Variants in RNF180 observed in about 807,000 individuals in gnomAD.
RNF180 encodes E3 ubiquitin-protein ligase RNF180.
In RNF180, 38 loss-of-function variants were observed where a neutral mutation model predicts 59.2. The ratio of observed to expected loss-of-function variants is 0.64; its 90% CI spans 0.50 to 0.84. The LOEUF is 0.84. Among genes scored for constraint, RNF180 ranks in the 40% least tolerant of loss-of-function variants. The pLI is 0.00. For synonymous variants in RNF180, 262 were observed against 240.3 expected (o/e 1.09, Z -0.84); for missense variants, 705 against 700.9 (o/e 1.01, Z -0.07).
chr5:64,290,160 C>T (rs1742497622), intron 5 of RNF180, among the ~76,000 whole-genome samples: 2 of 152,146 alleles, frequency 1.3e-5, no homozygotes, highest in African/African-American at 4.8e-5. Flanking sequence ...CATTCAGGAA[C>T]AGATAGTTCC....
intron 5 of RNF180, among the ~76,000 whole-genome samples, chr5:64,248,461 C>T (rs1743334787): frequency 1.3e-5 from 2 of 152,180 alleles, no homozygotes; most frequent in South Asian, 4.1e-4. Context: ...AAAGACACTT[C>T]TCAAAAGAAG....
chr5:64,319,176 A>T (rs1199600451), intron 5 of RNF180, among the ~76,000 whole-genome samples: 3 of 98,356 alleles, frequency 3.1e-5, no homozygotes, highest in Non-Finnish European at 7.6e-5. Flanking sequence ...CTGTTGTTTA[A>T]AAAAAAAAAA....
chr5:64,191,680 T>A (rs1463081998), intron 1 of RNF180, among the ~76,000 whole-genome samples: 5 of 152,216 alleles, frequency 3.3e-5, no homozygotes, highest in Non-Finnish European at 7.3e-5. Flanking sequence ...TAGAAGATTT[T>A]TATGTTTTTA....
At chr5:64,244,011 A>G (rs959820930) in intron 5 of RNF180, among the ~76,000 whole-genome samples, 1 of 152,208 alleles carries the variant, frequency 6.6e-6, no homozygotes, top group Non-Finnish European at 1.5e-5. Context: ...TGACTGTTAG[A>G]AGGAAAACTA....
At chr5:64,315,628 C>CAGCTATTT (rs113579553) in intron 5 of RNF180, among the ~76,000 whole-genome samples, 7,375 of 150,962 alleles carry the variant, frequency 0.049, 601 homozygotes, top group African/African-American at 0.16. Context: ...CCTGTAATCC[C>CAGCTATTT]AGCTATTTAG....
chr5:64,294,378 C>T (rs1414540893), intron 5 of RNF180, among the ~76,000 whole-genome samples: 1 of 152,046 alleles, frequency 6.6e-6, no homozygotes, highest in African/African-American at 2.4e-5. Flanking sequence ...TATATACACA[C>T]AAAAGTTAAA....
chr5:64,275,810 A>C (rs1166840112), intron 5 of RNF180, among the ~76,000 whole-genome samples: 1 of 151,990 alleles, frequency 6.6e-6, no homozygotes, highest in Non-Finnish European at 1.5e-5. Flanking sequence ...TGCTAACTAA[A>C]AGATGTTTAC....
At chr5:64,325,091 C>A in intron 5 of RNF180, 95 bp from the exon 6 acceptor site, 1 of 736,104 alleles carries the variant, frequency 1.4e-6, no homozygotes, top group South Asian at 1.8e-5. Flanking sequence ...ATATGCTTCT[C>A]AAATATTTTT....
At position 64,370,936 on chromosome 5, in the gene RNF180, C is replaced by T. The variant is rs1746640171; in HGVS notation, c.*1122C>T. On this transcript the variant is annotated 3_prime_UTR_variant, in exon 8 of 8. Transcript: ENST00000389100. ...GTCATATATCTGGTAATTCAATAAGCAAACTTTTACATAAAATAGGTGACT... is the reference window on the plus strand; with the variant it reads ...GTCATATATCTGGTAATTCAATAAGTAAACTTTTACATAAAATAGGTGACT... 1 of 151,528 alleles carries T rather than the reference C, an allele frequency of 6.6e-6. No homozygotes were observed. Among genetic ancestry groups the T allele is most frequent in the Non-Finnish European group, 1.5e-5 (1 of 67,706 alleles). The allele number at this position is 151,528 out of a possible 1,614,324, so 9.4% of individuals were successfully genotyped here.
chr5:64,348,263 G>T (rs563003916), intron 7 of RNF180, among the ~76,000 whole-genome samples: 1 of 151,794 alleles, frequency 6.6e-6, no homozygotes, highest in African/African-American at 2.4e-5. Context: ...GTGTTCTTTC[G>T]TTACTTTTTT....
intron 5 of RNF180, among the ~76,000 whole-genome samples, chr5:64,259,592 G>A (rs1744192154): frequency 6.6e-6 from 1 of 152,196 alleles, no homozygotes; most frequent in South Asian, 2.1e-4. Flanking sequence ...ATTTAAGTTA[G>A]CATTTTGTTT....
At chr5:64,290,509 C>CT (rs1742522095) in intron 5 of RNF180, among the ~76,000 whole-genome samples, 1 of 152,320 alleles carries the variant, frequency 6.6e-6, no homozygotes, top group East Asian at 1.9e-4. Context: ...TTGTGGAAGT[C>CT]TAAGTCCCTT....
At chr5:64,193,231 C>T (rs1751274962) in intron 1 of RNF180, among the ~76,000 whole-genome samples, 1 of 151,844 alleles carries the variant, frequency 6.6e-6, no homozygotes, top group Admixed American at 6.6e-5. Flanking sequence ...CTATAGTTAA[C>T]AGTACAGTAT....
chr5:64,318,821 C>G (rs1379423795), intron 5 of RNF180, among the ~76,000 whole-genome samples: 1 of 151,944 alleles, frequency 6.6e-6, no homozygotes, highest in Non-Finnish European at 1.5e-5. Flanking sequence ...GAAAATGAAG[C>G]AAATTGATTT....
At chr5:64,340,949 C>G (rs2112563027) in intron 7 of RNF180, among the ~76,000 whole-genome samples, 1 of 152,170 alleles carries the variant, frequency 6.6e-6, no homozygotes, top group East Asian at 1.9e-4. Context: ...TTCCCTCTCC[C>G]TTTACCTACT....
intron 1 of RNF180, among the ~76,000 whole-genome samples, chr5:64,176,067 T>G (rs2111906463): frequency 6.6e-6 from 1 of 152,316 alleles, no homozygotes. Flanking sequence ...TCTTGAAATG[T>G]TTGATAGAAT....
intron 5 of RNF180, among the ~76,000 whole-genome samples, chr5:64,279,748 T>C (rs1741910979): frequency 1.3e-5 from 2 of 152,104 alleles, no homozygotes; most frequent in Non-Finnish European, 1.5e-5. Context: ...CTATGATGAG[T>C]TAATGAAAGG....
At chr5:64,288,257 ATG>A (rs1742393114) in intron 5 of RNF180, among the ~76,000 whole-genome samples, 1 of 152,112 alleles carries the variant, frequency 6.6e-6, no homozygotes. Context: ...CCATTGGTCT[ATG>A]TGTGTGCTTT....
intron 5 of RNF180, among the ~76,000 whole-genome samples, chr5:64,306,963 T>C (rs1403361590): frequency 2.0e-5 from 3 of 148,690 alleles, no homozygotes; most frequent in African/African-American, 7.4e-5. Flanking sequence ...ACCCTAAAAC[T>C]TAAAGTATAA....
Sources: allele counts gnomAD v4.1 joint callset (sites outside exome capture counted in the v4.1 genomes callset), GRCh38; gene constraint gnomAD v4.1.1; transcripts MANE v1.5; gene names NCBI Gene and HGNC (gene_info 2026-07-23, HGNC 2026-07-21).